Variants in NTRK2 observed in about 807,000 individuals in gnomAD.
NTRK2 encodes BDNF/NT-3 growth factors receptor.
In NTRK2, 13 loss-of-function variants were observed where a neutral mutation model predicts 94.5. The ratio of observed to expected loss-of-function variants is 0.14; its 90% confidence interval spans 0.09 to 0.22. The LOEUF is 0.22. Ranked by LOEUF, NTRK2 falls within the 10% of genes least tolerant of loss-of-function variation. The probability of loss-of-function intolerance (pLI) is 1.00; values close to 1 mark genes in which losing one functional copy is unlikely to be tolerated. For synonymous variants in NTRK2, 372 were observed against 407.4 expected (o/e 0.91, Z 1.05); for missense variants, 639 against 1,071.2 (o/e 0.60, Z 5.63).
intron 17 of NTRK2, among the ~76,000 whole-genome samples, chr9:84,958,615 C>A (rs1824483937): frequency 6.6e-6 from 1 of 152,116 alleles, no homozygotes; most frequent in South Asian, 2.1e-4. Context: ...TTGATTTTCC[C>A]ATTCAGGATG....
chr9:84,935,523 C>A (rs773860041), intron 15 of NTRK2, among the ~76,000 whole-genome samples: 9 of 152,160 alleles, frequency 5.9e-5, no homozygotes, highest in Non-Finnish European at 1.2e-4. Flanking sequence ...CTAAACTCTG[C>A]ACTTTGGGGT....
chr9:84,789,745 T>C (rs1384205460), intron 12 of NTRK2, among the ~76,000 whole-genome samples: 1 of 152,210 alleles, frequency 6.6e-6, no homozygotes, highest in Non-Finnish European at 1.5e-5. Flanking sequence ...TTTTGCCCTC[T>C]GGCCGCAGAG....
intron 17 of NTRK2, among the ~76,000 whole-genome samples, chr9:85,013,098 C>T (rs1233358324): frequency 6.6e-6 from 1 of 152,180 alleles, no homozygotes; most frequent in East Asian, 1.9e-4. Flanking sequence ...CTCCTCCTTA[C>T]CTGCCCTGAG....
At chr9:84,891,650 G>A (rs2076599001) in intron 14 of NTRK2, among the ~76,000 whole-genome samples, 1 of 152,184 alleles carries the variant, frequency 6.6e-6, no homozygotes, top group African/African-American at 2.4e-5. Flanking sequence ...GATCTGGGAC[G>A]AGAGTAGAAT....
At chr9:85,017,596 T>C (rs543110955) in intron 17 of NTRK2, among the ~76,000 whole-genome samples, 16 of 152,350 alleles carry the variant, frequency 1.1e-4, no homozygotes, top group South Asian at 8.3e-4. Flanking sequence ...GTTAAGTTTG[T>C]TCTTTCCTGC....
chr9:84,801,267 G>C lies in NTRK2; in HGVS notation c.1396+49182G>C, dbSNP rs374090413. ...GATAGGATCCAAACGGGTGTTTCTGGTTGTAGACTGCTTCTTGCTGCCTAA... is the reference window on the plus strand; with the variant it reads ...GATAGGATCCAAACGGGTGTTTCTGCTTGTAGACTGCTTCTTGCTGCCTAA... On this transcript the variant is annotated intron_variant, in intron 12 of 18. Coordinates refer to ENST00000277120, the MANE Select transcript of NTRK2 (RefSeq NM_006180.6). 4.6e-5 allele frequency among the ~76,000 whole-genome samples: 7 copies of C among 152,300 alleles called. No homozygotes were observed. In the South Asian group the frequency reaches 1.2e-3, roughly 27 times the overall value.
chr9:84,742,435 C>T (rs909541727), intron 10 of NTRK2, among the ~76,000 whole-genome samples: 21 of 152,168 alleles, frequency 1.4e-4, no homozygotes, highest in Non-Finnish European at 1.3e-4. Context: ...TCCCACCACG[C>T]CAGCTTCACT....
chr9:84,886,486 G>A (rs1487293657), intron 14 of NTRK2, among the ~76,000 whole-genome samples: 1 of 152,190 alleles, frequency 6.6e-6, no homozygotes, highest in Non-Finnish European at 1.5e-5. Context: ...CCGAAGCTCA[G>A]GGCCACTGCC....
intron 12 of NTRK2, among the ~76,000 whole-genome samples, chr9:84,757,550 G>A (rs1309467831): frequency 6.6e-6 from 1 of 152,034 alleles, no homozygotes. Context: ...TGCCTCTTAC[G>A]AGCTATGTGA....
chr9:84,687,866 C>T (rs1365877272), intron 2 of NTRK2, among the ~76,000 whole-genome samples: 1 of 152,040 alleles, frequency 6.6e-6, no homozygotes, highest in East Asian at 1.9e-4. Flanking sequence ...AGGGCACAAA[C>T]AGAGCCCCCA....
At chr9:84,882,937 G>T (rs903066646) in intron 14 of NTRK2, among the ~76,000 whole-genome samples, 2 of 151,806 alleles carry the variant, frequency 1.3e-5, no homozygotes, top group Admixed American at 6.6e-5. Context: ...CTAATTTTTT[G>T]TGTGTTTTTA....
At position 84,768,572 on chromosome 9, in the gene NTRK2, G is replaced by A. The variant is rs536485265; in HGVS notation, c.1396+16487G>A. On this transcript the variant is annotated intron_variant, in intron 12 of 18. Coordinates refer to ENST00000277120, the MANE Select transcript of NTRK2 (RefSeq NM_006180.6). The stretch of plus-strand genomic sequence containing the variant: ...ATTTAAAAATGGACATCATATCTAG[G>A]TGCAAAAACTTAAGGTGCCCATTAA... Among the ~76,000 whole-genome samples, 235 of 152,142 alleles carry A rather than the reference G, an allele frequency of 1.5e-3. 1 individual carries two copies. Among genetic ancestry groups the A allele is most frequent in the African/African-American group, 5.3e-3 (221 of 41,502 alleles).
At chr9:84,921,866 A>G (rs1189744320) in intron 14 of NTRK2, among the ~76,000 whole-genome samples, 1 of 152,188 alleles carries the variant, frequency 6.6e-6, no homozygotes, top group African/African-American at 2.4e-5. Flanking sequence ...CAAAAATCAA[A>G]TGTGTTCAAA....
chr9:84,732,881 A>G (rs1486071585), intron 9 of NTRK2, among the ~76,000 whole-genome samples: 3 of 152,154 alleles, frequency 2.0e-5, no homozygotes, highest in African/African-American at 7.2e-5. Flanking sequence ...GACATGAACA[A>G]ATGTGCCTCT....
chr9:84,870,257 C>T (rs1197287234), intron 14 of NTRK2, among the ~76,000 whole-genome samples: 3 of 134,036 alleles, frequency 2.2e-5, no homozygotes, highest in Admixed American at 1.5e-4. Context: ...TGTACACATA[C>T]CTATATGCAC....
chr9:85,019,062 G>C (rs1267938898), intron 17 of NTRK2, among the ~76,000 whole-genome samples: 1 of 152,168 alleles, frequency 6.6e-6, no homozygotes, highest in Non-Finnish European at 1.5e-5. Flanking sequence ...GAATCACCAA[G>C]CATGTTAGAC....
chr9:84,717,940 T>A (rs1413920508), intron 6 of NTRK2, among the ~76,000 whole-genome samples: 1 of 152,182 alleles, frequency 6.6e-6, no homozygotes, highest in African/African-American at 2.4e-5. Flanking sequence ...TTCTCAGAAC[T>A]TTTAATTTTC....
At chr9:84,845,727 G>A (rs890068203) in intron 12 of NTRK2, among the ~76,000 whole-genome samples, 5 of 152,190 alleles carry the variant, frequency 3.3e-5, no homozygotes, top group South Asian at 2.1e-4. Flanking sequence ...ATGAGGATGC[G>A]AAAACATACA....
intron 14 of NTRK2, among the ~76,000 whole-genome samples, chr9:84,888,067 C>T (rs961197606): frequency 3.3e-5 from 5 of 151,992 alleles, no homozygotes; most frequent in Non-Finnish European, 5.9e-5. Context: ...AATCCAGCCT[C>T]GTATTTTTTT....
Sources: gnomAD v4.1 joint callset for allele counts (sites outside exome capture counted in the v4.1 genomes callset) on GRCh38, gnomAD v4.1.1 for gene constraint, MANE v1.5 for transcripts, NCBI Gene and HGNC (gene_info 2026-07-23, HGNC 2026-07-21) for gene names.